Variants in RTN4 observed in about 807,000 individuals in gnomAD.
RTN4 encodes the protein reticulon-4.
RTN4 carries 32 observed loss-of-function variants against 90.4 expected under a neutral mutation model. The observed-to-expected ratio is 0.35, with a 90% CI of 0.27 to 0.48. The LOEUF (loss-of-function observed/expected upper bound fraction) is 0.48. RTN4 is among the 20% of genes least tolerant of loss of function. The probability of loss-of-function intolerance (pLI) is 0.99; values close to 1 mark genes in which losing one functional copy is unlikely to be tolerated. For missense variants in RTN4, 1,706 were observed against 1,430.2 expected (o/e 1.19, Z -3.11); for synonymous variants, 629 against 552.5 (o/e 1.14, Z -1.94).
intron 1 of RTN4, among the ~76,000 whole-genome samples, chr2:55,093,646 A>C (rs1668980260): frequency 6.6e-6 from 1 of 152,140 alleles, no homozygotes; most frequent in Admixed American, 6.5e-5. Flanking sequence ...TCCCTCCACG[A>C]GGCCAGGGGG....
At chr2:54,978,204 C>CAGATCACCTGAGGTCAGG (rs1677804354) in intron 5 of RTN4, among the ~76,000 whole-genome samples, 1 of 152,106 alleles carries the variant, frequency 6.6e-6, no homozygotes, top group Non-Finnish European at 1.5e-5. Context: ...CCAAGGCAGG[C>CAGATCACCTGAGGTCAGG]AGATCACCTG....
At chr2:55,020,042 T>C (rs555532230) in intron 3 of RTN4, among the ~76,000 whole-genome samples, 35 of 152,146 alleles carry the variant, frequency 2.3e-4, no homozygotes, top group Admixed American at 1.6e-3. Context: ...ATGAAAGAAA[T>C]TGAAGAGGAT....
At chr2:54,976,092 T>C (rs1408061748) in intron 5 of RTN4, among the ~76,000 whole-genome samples, 1 of 152,218 alleles carries the variant, frequency 6.6e-6, no homozygotes, top group African/African-American at 2.4e-5. Context: ...GTTATTTTTA[T>C]CCATCACTAT....
At chr2:55,113,036 T>C (rs950186618), upstream of RTN4, among the ~76,000 whole-genome samples, 19 of 152,228 alleles carry the variant, frequency 1.2e-4, no homozygotes, top group Non-Finnish European at 2.5e-4. Flanking sequence ...GGATGGTCCA[T>C]AGATAGAAGG....
rs201113226 is a variant in RTN4 at position 54,998,330 on chromosome 2, TA to T, written c.3014-10633del. Among the ~76,000 whole-genome samples, 1,000 of 152,200 alleles carry T rather than the reference TA, an allele frequency of 6.6e-3. 11 individuals carry two copies. The highest frequency in any genetic ancestry group is 0.023 in the African/African-American group (937 of 41,540). On this transcript the variant is annotated intron_variant, in intron 3 of 8. Transcript: ENST00000337526. ...CTTCTCTACTAGGTTGTAAACTCCATAAAAGAACATGTATGTCTTACTACCT... is the reference window on the plus strand; with the variant it reads ...CTTCTCTACTAGGTTGTAAACTCCATAAAGAACATGTATGTCTTACTACCT...
At position 55,038,109 on chromosome 2, in the gene RTN4, T is replaced by C. The variant is rs192404676; in HGVS notation, c.557-9889A>G. On this transcript the variant is annotated intron_variant, in intron 1 of 8. Coordinates refer to ENST00000337526, the MANE Select transcript of RTN4 (RefSeq NM_020532.5). ...AAAGAAACAAATAAATCTGGATCTATGGTAACTCATACCATAGACAAAAAC... is the reference window on the plus strand; with the variant it reads ...AAAGAAACAAATAAATCTGGATCTACGGTAACTCATACCATAGACAAAAAC... Among the ~76,000 whole-genome samples the C allele has an allele frequency of 2.9e-3, 436 of 152,232 alleles. 3 individuals carry two copies. Among genetic ancestry groups the C allele is most frequent in the African/African-American group, 0.01 (430 of 41,560 alleles).
At chr2:55,015,320 C>T (rs72795440) in intron 3 of RTN4, among the ~76,000 whole-genome samples, 51,120 of 151,902 alleles carry the variant, frequency 0.34, 8,771 homozygotes, top group Non-Finnish European at 0.36. Context: ...CAAAATAATC[C>T]CTAATCGGAA....
At chr2:55,093,034 CTA>C (rs1668969320) in intron 1 of RTN4, among the ~76,000 whole-genome samples, 1 of 152,142 alleles carries the variant, frequency 6.6e-6, no homozygotes, top group Non-Finnish European at 1.5e-5. Context: ...GTGTGTGTGT[CTA>C]TGTGTGTGTG....
chr2:54,985,273 G>A (rs1678468460), intron 4 of RTN4, among the ~76,000 whole-genome samples: 1 of 138,702 alleles, frequency 7.2e-6, no homozygotes, highest in Admixed American at 8.2e-5. Flanking sequence ...AATTTTCTTA[G>A]CTCAGCTGCC....
At chr2:55,031,455 AG>A (rs1462630822) in intron 1 of RTN4, among the ~76,000 whole-genome samples, 1 of 152,250 alleles carries the variant, frequency 6.6e-6, no homozygotes, top group African/African-American at 2.4e-5. Context: ...AAATCTGGAT[AG>A]GGGTTCCTCT....
intron 2 of RTN4, among the ~76,000 whole-genome samples, chr2:55,065,079 T>C (rs903571240): frequency 3.9e-5 from 6 of 152,222 alleles, no homozygotes; most frequent in Admixed American, 2.0e-4. Context: ...TTGAGTATGT[T>C]ACTGGTTGAT....
chr2:55,070,988 G>C (rs921017688), intron 2 of RTN4, among the ~76,000 whole-genome samples: 25 of 151,668 alleles, frequency 1.6e-4, no homozygotes, highest in Admixed American at 1.6e-3. Flanking sequence ...GTGTTAGCCA[G>C]GATGGTCTCA....
upstream of RTN4, among the ~76,000 whole-genome samples, chr2:55,054,830 G>A (rs1014449734): frequency 1.3e-5 from 2 of 152,222 alleles, no homozygotes; most frequent in South Asian, 2.1e-4. Flanking sequence ...AATTAACAGC[G>A]TGCTAAGTTG....
intron 3 of RTN4, among the ~76,000 whole-genome samples, chr2:55,022,364 C>A (rs192888280): frequency 2.0e-5 from 3 of 152,174 alleles, no homozygotes; most frequent in African/African-American, 7.2e-5. Context: ...TGAACCAGCT[C>A]CTCTACTCCT....
upstream of RTN4, among the ~76,000 whole-genome samples, chr2:55,115,867 T>C (rs1430738705): frequency 2.0e-5 from 3 of 152,174 alleles, no homozygotes; most frequent in Non-Finnish European, 4.4e-5. Context: ...TGCCATCCTC[T>C]TATGACCATT....
chr2:54,992,641 G>T (rs1167793832), intron 3 of RTN4, among the ~76,000 whole-genome samples: 2 of 151,278 alleles, frequency 1.3e-5, no homozygotes, highest in Admixed American at 1.3e-4. Context: ...ATAAAATCAG[G>T]GTATATTTAT....
intron 3 of RTN4, among the ~76,000 whole-genome samples, chr2:55,013,059 A>G (rs927336915): frequency 2.6e-5 from 4 of 152,168 alleles, no homozygotes; most frequent in African/African-American, 9.7e-5. Context: ...CATTTTGACT[A>G]TTTGAGACAG....
At chr2:54,984,237 T>C (rs1221614468) in intron 4 of RTN4, among the ~76,000 whole-genome samples, 2 of 152,176 alleles carry the variant, frequency 1.3e-5, no homozygotes, top group Non-Finnish European at 2.9e-5. Context: ...GTGTTAGTCT[T>C]ATAGTATTTA....
rs894722914 is a variant in RTN4 at position 55,026,928 on chromosome 2, C to T, written c.1171G>A (p.Glu391Lys). 5 of 1,613,638 alleles carry T rather than the reference C, an allele frequency of 3.1e-6. No individual in the cohort carries two copies. Among genetic ancestry groups the T allele is most frequent in the Non-Finnish European group, 3.4e-6 (4 of 1,179,872 alleles). ...REEYADFKPFERVWEVKDSKE... is the reference protein window; with the variant it reads ...REEYADFKPFKRVWEVKDSKE... ...CTATCTTTCACTTCCCATACTCGCTCAAATGGTTTGAAGTCTGCATATTCC... is the reference window on the plus strand; with the variant it reads ...CTATCTTTCACTTCCCATACTCGCTTAAATGGTTTGAAGTCTGCATATTCC... The change falls in exon 3 of 9, where the codon GAG becomes AAG. Residue 391 changes from glutamate (E) to lysine (K), a missense_variant. By Grantham distance (56) the Glu-to-Lys change is moderately conservative. Transcript: ENST00000337526.
Sources: gnomAD v4.1 joint callset for allele counts (sites outside exome capture counted in the v4.1 genomes callset) on GRCh38, gnomAD v4.1.1 for gene constraint, MANE v1.5 for transcripts, NCBI Gene and HGNC (gene_info 2026-07-23, HGNC 2026-07-21) for gene names.